The following NPTN variants were observed in gnomAD, a reference collection of about 807,000 sequenced individuals.
NPTN encodes neuroplastin.
NPTN carries 5 observed loss-of-function variants against 42.7 expected under a neutral mutation model. The observed-to-expected ratio is 0.12, with a 90% confidence interval of 0.06 to 0.25. The LOEUF is 0.25. NPTN is among the 10% of genes least tolerant of loss of function. NPTN has a pLI of 1.00. For missense variants in NPTN, 307 were observed against 525.4 expected, an observed-to-expected ratio of 0.58 and a Z score of 4.06; for synonymous variants, 180 against 201.9, an observed-to-expected ratio of 0.89 and a Z score of 0.92.
chr15:73,612,784 A>T (rs1255999160), intron 1 of NPTN, among the ~76,000 whole-genome samples: 1 of 152,068 alleles, frequency 6.6e-6, no homozygotes, highest in East Asian at 1.9e-4. Flanking sequence ...TAAATAAATA[A>T]ATAAACAAAT....
intron 4 of NPTN, among the ~76,000 whole-genome samples, chr15:73,583,255 C>G (rs1642282454): frequency 6.6e-6 from 1 of 152,170 alleles, no homozygotes; most frequent in African/African-American, 2.4e-5. Context: ...ACACATTTCT[C>G]CTAACTCTTA....
In NPTN at chr15:73,597,180, C is replaced by G. The variant is rs1349884167; in HGVS notation, c.281G>C (p.Gly94Ala). 6.2e-7 allele frequency: 1 copy of G among 1,614,128 alleles called. No individual in the cohort carries two copies. Among genetic ancestry groups the G allele is most frequent in the South Asian group, 1.1e-5 (1 of 91,088 alleles). Residue 94 changes from glycine to alanine, a missense_variant, in exon 2 of 9, where the codon GGG (glycine) becomes GCG (alanine). Gly to Ala is a moderately conservative substitution (Grantham distance 60). Around this residue, in one of 2 missense-constraint regions of NPTN, gnomAD observed 264 missense variants for 491.1 expected, o/e 0.54. Coordinates refer to ENST00000345330, the MANE Select transcript of NPTN (RefSeq NM_012428.4). The surrounding 1 kb of genome is among the most constrained non-coding windows in gnomAD (Gnocchi z 6.3). ...KRRVTVNTAY[G>A]SNGVSVLRIT... ...TCTCAGCACACTCACGCCGTTTGAC[C>G]CGTAGGCGGTGTTTACGGTGACACG...
rs530507315 is a variant in NPTN, at chr15:73,590,639, G to A, written c.611+1327C>T. 4.3e-4 allele frequency among the ~76,000 whole-genome samples: 65 copies of A among 151,986 alleles called. 1 individual carries two copies. In the Middle Eastern group the frequency reaches 0.031, roughly 72 times the overall value. Reference sequence around the variant, plus strand: ...AAAAAAAAAAAATTACCCGGGTGTGGTGGTGTGCACCTGTGGTCCCAGCTA... The same window carrying A: ...AAAAAAAAAAAATTACCCGGGTGTGATGGTGTGCACCTGTGGTCCCAGCTA... On this transcript the variant is annotated intron_variant, in intron 3 of 8. Transcript: ENST00000345330.
chr15:73,631,403 G>A (rs1041298074), intron 1 of NPTN, among the ~76,000 whole-genome samples: 10 of 152,168 alleles, frequency 6.6e-5, no homozygotes, highest in African/African-American at 2.4e-4. Flanking sequence ...TTCAATGCTA[G>A]AGACAGAAAA....
chr15:73,563,108 T>A (rs1193260832), intron 7 of NPTN, 128 bp downstream of exon 7: 5 of 699,116 alleles, frequency 7.2e-6, no homozygotes, highest in Non-Finnish European at 1.3e-5. Context: ...AGCTAAGAAA[T>A]CTACACTGCA....
At chr15:73,594,291 G>A (rs1429400460) in intron 2 of NPTN, among the ~76,000 whole-genome samples, 2 of 152,164 alleles carry the variant, frequency 1.3e-5, no homozygotes, top group Non-Finnish European at 2.9e-5. Flanking sequence ...CAAAGTAAAT[G>A]CTACTCTTAC....
At chr15:73,601,327 AAAAG>A (rs1897075790) in intron 1 of NPTN, among the ~76,000 whole-genome samples, 1 of 152,228 alleles carries the variant, frequency 6.6e-6, no homozygotes, top group South Asian at 2.1e-4. Context: ...AACAGCATGG[AAAAG>A]AAAGAAAAGA....
chr15:73,590,769 T>G (rs895637844), intron 3 of NPTN, among the ~76,000 whole-genome samples: 4 of 151,716 alleles, frequency 2.6e-5, no homozygotes, highest in Non-Finnish European at 5.9e-5. Flanking sequence ...CTCAATAAAA[T>G]AAAATAACAA....
intron 6 of NPTN, among the ~76,000 whole-genome samples, chr15:73,564,528 A>G (rs2141349035): frequency 6.6e-6 from 1 of 152,318 alleles, no homozygotes; most frequent in East Asian, 1.9e-4. Flanking sequence ...AGCCAAAACA[A>G]TAGGCTAGCG....
intron 8 of NPTN, among the ~76,000 whole-genome samples, chr15:73,561,468 T>C (rs7163212): frequency 0.1 from 15,809 of 152,098 alleles, 1,013 homozygotes; most frequent in African/African-American, 0.18. Flanking sequence ...TCACTTGAGG[T>C]CAGGAGTTCA....
chr15:73,622,423 A>T (rs183432902), intron 1 of NPTN, among the ~76,000 whole-genome samples: 2 of 151,824 alleles, frequency 1.3e-5, no homozygotes, highest in East Asian at 3.9e-4. Flanking sequence ...TCCCAGAAAC[A>T]TCCTTATCAT....
At chr15:73,618,732 A>C (rs1168665224) in intron 1 of NPTN, among the ~76,000 whole-genome samples, 3 of 152,054 alleles carry the variant, frequency 2.0e-5, no homozygotes, top group Non-Finnish European at 4.4e-5. Context: ...ACTACTCGGG[A>C]GGCTGGGGTA....
At chr15:73,616,507 C>T (rs1239434453) in intron 1 of NPTN, among the ~76,000 whole-genome samples, 1 of 152,148 alleles carries the variant, frequency 6.6e-6, no homozygotes, top group East Asian at 1.9e-4. Context: ...AGCTAGAATT[C>T]AAATATTCTG....
intron 4 of NPTN, among the ~76,000 whole-genome samples, chr15:73,585,526 C>T (rs937762501): frequency 1.3e-5 from 2 of 152,146 alleles, no homozygotes; most frequent in African/African-American, 4.8e-5. Context: ...ACAGAAAAAG[C>T]GAAGTGTTCA....
chr15:73,596,747 C>G (rs185211917), intron 2 of NPTN, among the ~76,000 whole-genome samples: 2 of 152,044 alleles, frequency 1.3e-5, no homozygotes, highest in African/African-American at 2.4e-5. Context: ...TGGACAGTCA[C>G]GGATTTCCTC....
At chr15:73,572,543 C>T (rs912574844) in intron 5 of NPTN, among the ~76,000 whole-genome samples, 1 of 151,948 alleles carries the variant, frequency 6.6e-6, no homozygotes, top group Non-Finnish European at 1.5e-5. Context: ...CCTCAGGTTG[C>T]CCCGATTCCT....
intron 6 of NPTN, among the ~76,000 whole-genome samples, chr15:73,564,378 A>T (rs1282700496): frequency 1.3e-5 from 2 of 152,236 alleles, no homozygotes; most frequent in African/African-American, 4.8e-5. Flanking sequence ...ACATGTCGGG[A>T]GTAATGTCTG....
At chr15:73,578,181 A>G (rs1369319485) in intron 4 of NPTN, among the ~76,000 whole-genome samples, 1 of 152,160 alleles carries the variant, frequency 6.6e-6, no homozygotes, top group Non-Finnish European at 1.5e-5. Context: ...GTAGGCCACC[A>G]TAATGACTTT....
chr15:73,614,292 C>A (rs1897748071), intron 1 of NPTN, among the ~76,000 whole-genome samples: 1 of 151,562 alleles, frequency 6.6e-6, no homozygotes, highest in East Asian at 2.0e-4. Flanking sequence ...TGCACTTCAG[C>A]CTAGGCAACA....
Sources: allele counts gnomAD v4.1 joint callset (sites outside exome capture counted in the v4.1 genomes callset), GRCh38; gene constraint gnomAD v4.1.1; regional missense constraint gnomAD v4.1.1; non-coding constraint Gnocchi (gnomAD v3.1); transcripts MANE v1.5; gene names NCBI Gene and HGNC (gene_info 2026-07-23, HGNC 2026-07-21).